SCN8A: variants seen among roughly 807,000 people sequenced by gnomAD.
SCN8A encodes sodium voltage-gated channel alpha subunit 8.
SCN8A carries 30 observed loss-of-function variants against 184.1 expected under a neutral mutation model. That is an observed-to-expected ratio of 0.16 (90% CI 0.12 to 0.22). The LOEUF (loss-of-function observed/expected upper bound fraction) is 0.22. SCN8A is among the 10% of genes least tolerant of loss of function. SCN8A has a pLI of 1.00. For synonymous variants in SCN8A, 852 were observed against 907.0 expected, an observed-to-expected ratio of 0.94 and a Z score of 1.09; for missense variants, 1,057 against 2,498.9, an observed-to-expected ratio of 0.42 and a Z score of 12.30.
chr12:51,774,058 G>A, intron 19 of SCN8A, 131 bp from the exon 20 acceptor site: 1 of 603,090 alleles, frequency 1.7e-6, no homozygotes, highest in Non-Finnish European at 2.8e-6. Context: ...TGTAGTCGGG[G>A]AGTAAAGCGA....
chr12:51,617,035 A>T (rs1381499301), intron 1 of SCN8A, among the ~76,000 whole-genome samples: 2 of 151,692 alleles, frequency 1.3e-5, no homozygotes, highest in Non-Finnish European at 2.9e-5. Context: ...TGCTTTCAAG[A>T]TTTTTTATTT....
intron 12 of SCN8A, among the ~76,000 whole-genome samples, chr12:51,729,776 TC>T (rs1942211701): frequency 6.6e-6 from 1 of 152,194 alleles, no homozygotes; most frequent in African/African-American, 2.4e-5. Flanking sequence ...CATTTTTTTA[TC>T]CCACCAACAA....
At chr12:51,643,374 A>G (rs1940496994) in intron 1 of SCN8A, among the ~76,000 whole-genome samples, 1 of 152,176 alleles carries the variant, frequency 6.6e-6, no homozygotes, top group African/African-American at 2.4e-5. Context: ...TTAGGTTGTT[A>G]TGAAGATTAA....
At chr12:51,769,840 C>G in intron 17 of SCN8A, 28 bp from the exon 18 acceptor site, 1 of 1,487,590 alleles carries the variant, frequency 6.7e-7, no homozygotes, top group Non-Finnish European at 9.2e-7. Context: ...TCAGAGCTGC[C>G]TGATCTCCCT....
chr12:51,794,311 A>G, intron 25 of SCN8A, 60 bp from the exon 26 acceptor site: 1 of 1,539,480 alleles, frequency 6.5e-7, no homozygotes, highest in East Asian at 2.2e-5. Flanking sequence ...GACAGCTTCC[A>G]TAGGTTGGCT....
chr12:51,704,670 CAAAA>C (rs34946747), intron 9 of SCN8A, among the ~76,000 whole-genome samples: 5 of 93,088 alleles, frequency 5.4e-5, no homozygotes, highest in African/African-American at 1.4e-4. Flanking sequence ...ACTCCACCTA[CAAAA>C]AAAAAAAAAA....
At chr12:51,742,098 T>A (rs984940026) in intron 12 of SCN8A, among the ~76,000 whole-genome samples, 2 of 152,234 alleles carry the variant, frequency 1.3e-5, no homozygotes, top group African/African-American at 4.8e-5. Context: ...TTTAACTTCA[T>A]CCCTCTGCTT....
intron 12 of SCN8A, among the ~76,000 whole-genome samples, chr12:51,728,796 T>C (rs913902230): frequency 6.6e-6 from 1 of 151,686 alleles, no homozygotes; most frequent in African/African-American, 2.4e-5. Flanking sequence ...ACAGCTTTCC[T>C]TAATTTTTGT....
chr12:51,795,761 C>G (rs1938387956), intron 26 of SCN8A, among the ~76,000 whole-genome samples: 1 of 151,996 alleles, frequency 6.6e-6, no homozygotes, highest in East Asian at 1.9e-4. Flanking sequence ...GTAAAGAATT[C>G]TGGGCCGGGT....
chr12:51,615,669 TG>T (rs1205919619), intron 1 of SCN8A, among the ~76,000 whole-genome samples: 1 of 152,016 alleles, frequency 6.6e-6, no homozygotes, highest in Non-Finnish European at 1.5e-5. Flanking sequence ...CAATCAATAA[TG>T]TTATAATTTG....
chr12:51,774,705 C>G (rs537116672), intron 20 of SCN8A, among the ~76,000 whole-genome samples: 1 of 152,224 alleles, frequency 6.6e-6, no homozygotes, highest in African/African-American at 2.4e-5. Flanking sequence ...AGCAGGATGT[C>G]TTCTTTTTGT....
intron 1 of SCN8A, among the ~76,000 whole-genome samples, chr12:51,612,697 A>G (rs756461913): frequency 1.5e-4 from 23 of 152,094 alleles, no homozygotes; most frequent in Non-Finnish European, 3.1e-4. Context: ...GTGGTGATGT[A>G]TTCTCCTATA....
intron 1 of SCN8A, among the ~76,000 whole-genome samples, chr12:51,635,799 T>G (rs1940303189): frequency 6.6e-6 from 1 of 152,222 alleles, no homozygotes; most frequent in African/African-American, 2.4e-5. Flanking sequence ...AGTGTTGTTT[T>G]TAAATCTGGC....
chr12:51,627,460 C>T (rs1940104291), intron 1 of SCN8A, among the ~76,000 whole-genome samples: 1 of 152,206 alleles, frequency 6.6e-6, no homozygotes, highest in East Asian at 1.9e-4. Context: ...CGGCTCACTG[C>T]AATCTCTGCC....
intron 1 of SCN8A, among the ~76,000 whole-genome samples, chr12:51,614,303 T>C (rs769755794): frequency 2.0e-5 from 3 of 152,160 alleles, no homozygotes; most frequent in Non-Finnish European, 2.9e-5. Flanking sequence ...TTATGTCTTT[T>C]AGTGAATTGA....
At chr12:51,703,278 C>T (rs902305120) in intron 9 of SCN8A, among the ~76,000 whole-genome samples, 3 of 151,104 alleles carry the variant, frequency 2.0e-5, no homozygotes, top group African/African-American at 4.9e-5. Flanking sequence ...GAGGTAGGTA[C>T]TACAGGCATG....
chr12:51,755,330 G>C (rs1233416753), intron 14 of SCN8A, among the ~76,000 whole-genome samples: 1 of 152,148 alleles, frequency 6.6e-6, no homozygotes, highest in African/African-American at 2.4e-5. Flanking sequence ...TTGATGTTTA[G>C]ACTTCCTCTG....
At chr12:51,764,445 G>T (rs1182336209) in intron 15 of SCN8A, among the ~76,000 whole-genome samples, 1 of 152,036 alleles carries the variant, frequency 6.6e-6, no homozygotes, top group Non-Finnish European at 1.5e-5. Context: ...GACCAGCTTG[G>T]CCAACATAGT....
rs371478132 is a variant in SCN8A at position 51,806,454 on chromosome 12, T to C, written c.4968T>C (p.Leu1656=). The change falls in exon 27 of 27, where the codon CTT becomes CTC. Residue 1656 remains leucine, a synonymous_variant. Transcript: ENST00000627620. This position sits in a 1 kb window ranked among gnomAD's most constrained non-coding sequence, Gnocchi z 8.7. ...MSLPALFNIG[L]LLFLVMFIFS... ...TGCCTGCCCTGTTCAACATCGGCCT[T>C]CTGCTCTTCCTGGTCATGTTCATCT... 39 of 1,614,132 alleles carry C rather than the reference T, an allele frequency of 2.4e-5. No homozygotes were observed. The highest frequency in any genetic ancestry group is 3.1e-5 in the Non-Finnish European group (37 of 1,180,056).
Sources: allele counts gnomAD v4.1 joint callset (sites outside exome capture counted in the v4.1 genomes callset), GRCh38; gene constraint gnomAD v4.1.1; non-coding constraint Gnocchi (gnomAD v3.1); transcripts MANE v1.5; gene names NCBI Gene and HGNC (gene_info 2026-07-23, HGNC 2026-07-21).